B3GALT1: variants seen among roughly 807,000 people sequenced by gnomAD.
B3GALT1 encodes the protein beta-1,3-galactosyltransferase 1, also known as UDP-Gal:betaGlcNAc beta 1,3-galactosyltransferase, polypeptide 1.
A neutral mutation model predicts 23.2 loss-of-function variants in B3GALT1; 10 were observed. The ratio of observed to expected loss-of-function variants is 0.43; its 90% CI spans 0.27 to 0.73. The LOEUF is 0.73. Among genes scored for constraint, B3GALT1 ranks in the 30% least tolerant of loss-of-function variants. The pLI, the probability that B3GALT1 is intolerant of heterozygous loss-of-function variation, is 0.21. For missense variants in B3GALT1, 299 were observed against 405.4 expected, an observed-to-expected ratio of 0.74 and a Z score of 2.25; for synonymous variants, 156 against 141.5, an observed-to-expected ratio of 1.10 and a Z score of -0.73.
chr2:167,639,462 A>T (rs1685615846), intron 2 of B3GALT1, among the ~76,000 whole-genome samples: 1 of 152,078 alleles, frequency 6.6e-6, no homozygotes, highest in African/African-American at 2.4e-5. Context: ...CAGTCCAAGC[A>T]GAAACACATT....
intron 1 of B3GALT1, among the ~76,000 whole-genome samples, chr2:167,433,306 G>T (rs1354987920): frequency 6.6e-6 from 1 of 152,014 alleles, no homozygotes; most frequent in Non-Finnish European, 1.5e-5. Flanking sequence ...TCCATTGTCT[G>T]GATATACCAT....
intron 2 of B3GALT1, among the ~76,000 whole-genome samples, chr2:167,621,123 T>C (rs1305110392): frequency 4.0e-5 from 6 of 149,462 alleles, no homozygotes; most frequent in Admixed American, 6.7e-5. Context: ...GGGTCTAATG[T>C]TGTCACCCAG....
At chr2:167,848,072 A>C (rs1282173623) in intron 4 of B3GALT1, among the ~76,000 whole-genome samples, 2 of 152,198 alleles carry the variant, frequency 1.3e-5, no homozygotes, top group East Asian at 3.8e-4. Context: ...GAACAATAAC[A>C]AGCAGCGAAA....
chr2:167,676,325 A>T (rs190050702), intron 3 of B3GALT1, among the ~76,000 whole-genome samples: 1 of 152,188 alleles, frequency 6.6e-6, no homozygotes. Context: ...TGAAGAAAAA[A>T]ATGTAAGGTT....
At chr2:167,492,526 C>A (rs1009483527) in intron 2 of B3GALT1, among the ~76,000 whole-genome samples, 1 of 152,134 alleles carries the variant, frequency 6.6e-6, no homozygotes, top group Non-Finnish European at 1.5e-5. Context: ...AGTGGTAAGA[C>A]AGTGTAGTTT....
intron 4 of B3GALT1, among the ~76,000 whole-genome samples, chr2:167,831,376 A>G (rs1420020869): frequency 2.0e-5 from 3 of 152,254 alleles, no homozygotes; most frequent in Admixed American, 2.0e-4. Context: ...TTGAGTAATT[A>G]CTATGTAATC....
intron 3 of B3GALT1, among the ~76,000 whole-genome samples, chr2:167,693,504 C>T (rs975274687): frequency 3.3e-5 from 5 of 152,074 alleles, no homozygotes; most frequent in Non-Finnish European, 7.4e-5. Context: ...ACACTGTCTG[C>T]TGTAAGATGC....
chr2:167,713,966 C>T, intron 3 of B3GALT1: 1 of 1,558,862 alleles, frequency 6.4e-7, no homozygotes, highest in Non-Finnish European at 8.8e-7. Flanking sequence ...AAACAATGGA[C>T]CACTGATTGC....
chr2:167,425,262 C>T (rs888929661), intron 1 of B3GALT1, among the ~76,000 whole-genome samples: 1 of 152,156 alleles, frequency 6.6e-6, no homozygotes, highest in Non-Finnish European at 1.5e-5. Flanking sequence ...TTGACAGTTG[C>T]CGCTTACCGC....
At chr2:167,723,744 T>A (rs947721334) in intron 3 of B3GALT1, among the ~76,000 whole-genome samples, 3 of 152,178 alleles carry the variant, frequency 2.0e-5, no homozygotes, top group Non-Finnish European at 4.4e-5. Flanking sequence ...CTGGTCAGGC[T>A]GGTCTCGAAC....
chr2:167,512,606 ATGTATATATATATACG>A (rs1700035354), intron 2 of B3GALT1, among the ~76,000 whole-genome samples: 4 of 95,320 alleles, frequency 4.2e-5, no homozygotes, highest in African/African-American at 2.2e-4. Context: ...ATATATATAT[ATGTATATATATATACG>A]TGTATATATA....
At chr2:167,545,452 A>G (rs1480251415) in intron 2 of B3GALT1, among the ~76,000 whole-genome samples, 2 of 152,120 alleles carry the variant, frequency 1.3e-5, no homozygotes, top group East Asian at 3.9e-4. Flanking sequence ...CTGGTTAAAA[A>G]CATCAGGCTG....
intron 3 of B3GALT1, among the ~76,000 whole-genome samples, chr2:167,792,472 T>C (rs889255277): frequency 1.3e-5 from 2 of 152,020 alleles, no homozygotes; most frequent in Admixed American, 1.3e-4. Context: ...AAAGAGGGAG[T>C]AATCCATTGA....
chr2:167,499,242 C>T (rs1290066963), intron 2 of B3GALT1, among the ~76,000 whole-genome samples: 1 of 152,102 alleles, frequency 6.6e-6, no homozygotes, highest in East Asian at 1.9e-4. Flanking sequence ...CTATTTGATA[C>T]TTACATCATT....
Position 167,870,194 on chromosome 2 carries a change from C to T in B3GALT1, c.*174C>T, listed in dbSNP as rs1449108099. On this transcript the variant is annotated 3_prime_UTR_variant, in exon 5 of 5. Coordinates refer to ENST00000392690, the MANE Select transcript of B3GALT1 (RefSeq NM_020981.4). Reference sequence around the variant, plus strand: ...CAATTTATGAATGTTAGACTCTGGTCATAGAAACAATAAATGAGTTAGAAG... The same window carrying T: ...CAATTTATGAATGTTAGACTCTGGTTATAGAAACAATAAATGAGTTAGAAG... 6 of 611,572 alleles carry T rather than the reference C, an allele frequency of 9.8e-6. No homozygotes were observed. Among genetic ancestry groups the T allele is most frequent in the African/African-American group, 9.2e-5 (5 of 54,094 alleles). 37.9% of individuals were successfully genotyped at this position (611,572 alleles called of 1,614,324 possible).
At chr2:167,845,799 G>A (rs1689746224) in intron 4 of B3GALT1, among the ~76,000 whole-genome samples, 1 of 151,420 alleles carries the variant, frequency 6.6e-6, no homozygotes, top group African/African-American at 2.4e-5. Context: ...GCATTCAGGA[G>A]GTTAACTAGG....
chr2:167,548,712 G>GTGTGTGTA (rs1289253056), intron 2 of B3GALT1, among the ~76,000 whole-genome samples: 2 of 148,298 alleles, frequency 1.3e-5, no homozygotes, highest in Admixed American at 6.6e-5. Flanking sequence ...GTGTGTGTGT[G>GTGTGTGTA]TGTGTATGTG....
intron 1 of B3GALT1, among the ~76,000 whole-genome samples, chr2:167,408,678 A>C (rs1574067352): frequency 6.6e-6 from 1 of 152,142 alleles, no homozygotes; most frequent in Non-Finnish European, 1.5e-5. Flanking sequence ...AATCAGTAAC[A>C]CTTATATATG....
intron 1 of B3GALT1, among the ~76,000 whole-genome samples, chr2:167,304,553 T>C (rs185584588): frequency 6.6e-6 from 1 of 152,212 alleles, no homozygotes; most frequent in African/African-American, 2.4e-5. Context: ...AGAACCACTC[T>C]TGGCAACAAA....
Sources: allele counts gnomAD v4.1 joint callset (sites outside exome capture counted in the v4.1 genomes callset), GRCh38; gene constraint gnomAD v4.1.1; transcripts MANE v1.5; gene names NCBI Gene and HGNC (gene_info 2026-07-23, HGNC 2026-07-21).